Variants in HCRTR2 observed in about 807,000 individuals in gnomAD.
HCRTR2 encodes the protein orexin receptor type 2.
In HCRTR2, 22 loss-of-function variants were observed where a neutral mutation model predicts 49.0. That is an observed-to-expected ratio of 0.45 (90% CI 0.32 to 0.64). The LOEUF is 0.64. Ranked by LOEUF, HCRTR2 falls within the 30% of genes least tolerant of loss-of-function variation. The pLI, the probability that HCRTR2 is intolerant of heterozygous loss-of-function variation, is 0.04. For synonymous variants in HCRTR2, 236 were observed against 205.3 expected, an observed-to-expected ratio of 1.15 and a Z score of -1.28; for missense variants, 491 against 559.4, an observed-to-expected ratio of 0.88 and a Z score of 1.23.
At chr6:55,117,870 G>T (rs1332825816) in intron 1 of HCRTR2, among the ~76,000 whole-genome samples, 1 of 124,354 alleles carries the variant, frequency 8.0e-6, no homozygotes, top group African/African-American at 2.6e-5. Flanking sequence ...CAGACTGTTT[G>T]TTTTTTTTTC....
At chr6:55,213,211 GA>G (rs1302937644) in intron 1 of HCRTR2, among the ~76,000 whole-genome samples, 1 of 151,928 alleles carries the variant, frequency 6.6e-6, no homozygotes, top group Non-Finnish European at 1.5e-5. Flanking sequence ...GAATGAAAAA[GA>G]AAAAAACACT....
chr6:55,239,207 C>T (rs1766272840), intron 1 of HCRTR2, among the ~76,000 whole-genome samples: 2 of 152,174 alleles, frequency 1.3e-5, no homozygotes, highest in Non-Finnish European at 2.9e-5. Context: ...CTTCCGTCTT[C>T]CTAACCTTTT....
chr6:55,142,008 T>C (rs1764513958), intron 1 of HCRTR2, among the ~76,000 whole-genome samples: 1 of 152,086 alleles, frequency 6.6e-6, no homozygotes. Context: ...TCAAAGAAAG[T>C]ACAAAAAAGT....
intron 1 of HCRTR2, among the ~76,000 whole-genome samples, chr6:55,150,366 T>C (rs1465575812): frequency 6.7e-6 from 1 of 149,240 alleles, no homozygotes; most frequent in Admixed American, 6.8e-5. Context: ...GCATAAGATC[T>C]ACACTCTTTG....
At chr6:55,129,334 T>A (rs1364700482) in intron 1 of HCRTR2, among the ~76,000 whole-genome samples, 1 of 152,104 alleles carries the variant, frequency 6.6e-6, no homozygotes, top group African/African-American at 2.4e-5. Context: ...ATGTGCCAAC[T>A]TCCTTAATGT....
At chr6:55,118,126 C>A (rs1322735985) in intron 1 of HCRTR2, among the ~76,000 whole-genome samples, 1 of 151,826 alleles carries the variant, frequency 6.6e-6, no homozygotes, top group African/African-American at 2.4e-5. Flanking sequence ...CATTTAGCTC[C>A]CACCTATAAG....
chr6:55,195,193 T>C (rs1765387911), intron 1 of HCRTR2, among the ~76,000 whole-genome samples: 2 of 151,984 alleles, frequency 1.3e-5, no homozygotes, highest in South Asian at 2.1e-4. Context: ...CAATAAGATA[T>C]CGACTTTCTT....
chr6:55,215,395 T>C (rs1166305290), intron 1 of HCRTR2, among the ~76,000 whole-genome samples: 1 of 152,162 alleles, frequency 6.6e-6, no homozygotes, highest in Non-Finnish European at 1.5e-5. Flanking sequence ...AGGGAATCCA[T>C]CACAATTAAA....
chr6:55,223,052 T>C (rs983412901), intron 1 of HCRTR2, among the ~76,000 whole-genome samples: 1 of 152,190 alleles, frequency 6.6e-6, no homozygotes, highest in Non-Finnish European at 1.5e-5. Flanking sequence ...TGTTAATATA[T>C]CCATATTATC....
intron 1 of HCRTR2, among the ~76,000 whole-genome samples, chr6:55,194,749 GT>G (rs1165294415): frequency 6.6e-6 from 1 of 151,982 alleles, no homozygotes; most frequent in African/African-American, 2.4e-5. Flanking sequence ...TTAATTATGT[GT>G]GTTTGTCATT....
chr6:55,135,712 T>C (rs868539173), intron 1 of HCRTR2, among the ~76,000 whole-genome samples: 1 of 152,316 alleles, frequency 6.6e-6, no homozygotes, highest in Non-Finnish European at 1.5e-5. Context: ...AGTTATTTGC[T>C]ATCATTTACC....
chr6:55,117,198 T>C (rs565151725), intron 1 of HCRTR2, among the ~76,000 whole-genome samples: 1 of 152,004 alleles, frequency 6.6e-6, no homozygotes, highest in East Asian at 1.9e-4. Flanking sequence ...ATGTGAGCAA[T>C]ACTTGAGTAC....
At position 55,113,337 on chromosome 6, in the gene HCRTR2, C is replaced by G. The variant is rs187037831; in HGVS notation, c.-378+6792C>G. ...CAAGAAAAATAATCAGCAGAGTGAACAGACAACCCACAGAGTGGGAGAAAA... is the reference window on the plus strand; with the variant it reads ...CAAGAAAAATAATCAGCAGAGTGAAGAGACAACCCACAGAGTGGGAGAAAA... On this transcript the variant is annotated intron_variant, in intron 1 of 7. Coordinates refer to the HCRTR2 transcript ENST00000615358. 6.2e-3 allele frequency among the ~76,000 whole-genome samples: 945 copies of G among 152,088 alleles called. 3 individuals are homozygous for G. Among genetic ancestry groups the G allele is most frequent in the Non-Finnish European group, 0.01 (681 of 67,938 alleles).
rs200022759 is a variant in HCRTR2 at position 55,282,353 on chromosome 6, A to G, written c.1234A>G (p.Ser412Gly). Residue 412 changes from serine (S) to glycine (G), a missense_variant, in exon 7 of 7, where the codon AGC becomes GGC. By Grantham distance (56) the Ser-to-Gly change is moderately conservative. Transcript: ENST00000370862. Reference sequence around the variant, plus strand: ...CCGGAAGTCCTTGACCACTCAAATCAGCAACTTTGATAACATATCAAAACT... The same window carrying G: ...CCGGAAGTCCTTGACCACTCAAATCGGCAACTTTGATAACATATCAAAACT... ...ESRKSLTTQI[S>G]NFDNISKLSE... The G allele has an allele frequency of 8.4e-5, 135 of 1,613,486 alleles. No homozygotes were observed. Among genetic ancestry groups the G allele is most frequent in the Admixed American group, 1.7e-4 (10 of 59,902 alleles).
At chr6:55,208,510 A>T (rs904016127) in intron 1 of HCRTR2, among the ~76,000 whole-genome samples, 13 of 151,998 alleles carry the variant, frequency 8.6e-5, no homozygotes, top group African/African-American at 2.2e-4. Flanking sequence ...AAAATAAAAA[A>T]AAAAAGAATG....
intron 1 of HCRTR2, among the ~76,000 whole-genome samples, chr6:55,177,242 C>A (rs1013588262): frequency 1.3e-5 from 2 of 152,190 alleles, no homozygotes; most frequent in African/African-American, 4.8e-5. Context: ...AAGAAACTGA[C>A]AGCTATTTTC....
chr6:55,228,292 T>C (rs971490860), intron 1 of HCRTR2, among the ~76,000 whole-genome samples: 12 of 152,142 alleles, frequency 7.9e-5, no homozygotes, highest in African/African-American at 2.9e-4. Flanking sequence ...AATTTCTACA[T>C]AGAAGTTGAA....
intron 1 of HCRTR2, among the ~76,000 whole-genome samples, chr6:55,181,270 C>T (rs1289570576): frequency 2.6e-5 from 4 of 152,082 alleles, no homozygotes; most frequent in Non-Finnish European, 4.4e-5. Flanking sequence ...CCCATATGAC[C>T]AGTCTTTTGA....
intron 1 of HCRTR2, among the ~76,000 whole-genome samples, chr6:55,163,396 C>T (rs1442310127): frequency 6.6e-6 from 1 of 152,088 alleles, no homozygotes; most frequent in Non-Finnish European, 1.5e-5. Flanking sequence ...CTACAGTAAC[C>T]AAAACAGCAT....
Sources: allele counts gnomAD v4.1 joint callset (sites outside exome capture counted in the v4.1 genomes callset), GRCh38; gene constraint gnomAD v4.1.1; transcripts MANE v1.5; gene names NCBI Gene and HGNC (gene_info 2026-07-23, HGNC 2026-07-21).